Variants in CNTN5 observed in about 807,000 individuals in gnomAD.
CNTN5 encodes contactin-5.
A neutral mutation model predicts 129.1 loss-of-function variants in CNTN5; 77 were observed. That is an observed-to-expected ratio of 0.60 (90% CI 0.50 to 0.72). The LOEUF is 0.72. Among genes scored for constraint, CNTN5 ranks in the 30% least tolerant of loss-of-function variants. The pLI is 0.00. For synonymous variants in CNTN5, 509 were observed against 465.6 expected (o/e 1.09, Z -1.20); for missense variants, 1,478 against 1,328.8 (o/e 1.11, Z -1.75).
chr11:100,004,708 G>A (rs958258234), intron 9 of CNTN5, among the ~76,000 whole-genome samples: 3 of 152,174 alleles, frequency 2.0e-5, no homozygotes, highest in African/African-American at 7.2e-5. Flanking sequence ...TCATTGTCAT[G>A]TGTAATCCTG....
In CNTN5 at chr11:99,382,854, T is replaced by TTTG. The variant is rs1168085628; in HGVS notation, c.-71+57372_-71+57373insGTT. Among the ~76,000 whole-genome samples, 21 of 88,482 alleles carry TTTG rather than the reference T, an allele frequency of 2.4e-4. No individual in the cohort carries two copies. In the East Asian group the frequency reaches 5.7e-3, roughly 24 times the overall value. The allele number at this position is 88,482 out of a possible 152,430, so 58.0% of individuals were successfully genotyped here. ...TAGTGTCTCTAAATAACTTTTTTTT[T>TTTG]TTTTTTTTTTTTTTTTTTTTTAGAC... On this transcript the variant is annotated intron_variant, in intron 2 of 24. Coordinates refer to ENST00000524871, the MANE Select transcript of CNTN5 (RefSeq NM_014361.4).
intron 10 of CNTN5, among the ~76,000 whole-genome samples, chr11:100,068,352 G>C (rs1031625638): frequency 6.6e-6 from 1 of 152,152 alleles, no homozygotes; most frequent in Non-Finnish European, 1.5e-5. Context: ...ACTCTTCTTT[G>C]AGGCTGTGAT....
intron 1 of CNTN5, among the ~76,000 whole-genome samples, chr11:99,245,114 T>C (rs73532985): frequency 0.017 from 2,593 of 152,228 alleles, 86 homozygotes; most frequent in African/African-American, 0.06. Flanking sequence ...ACTGTCAAAC[T>C]GCACACACTC....
At chr11:100,068,449 G>C (rs922528141) in intron 10 of CNTN5, among the ~76,000 whole-genome samples, 2 of 152,136 alleles carry the variant, frequency 1.3e-5, no homozygotes, top group Admixed American at 6.6e-5. Context: ...TCTATGTAGA[G>C]TGAACAGTTT....
chr11:100,344,113 C>G (rs369248964), intron 23 of CNTN5, among the ~76,000 whole-genome samples: 27 of 151,880 alleles, frequency 1.8e-4, no homozygotes, highest in South Asian at 8.3e-4. Context: ...TCTTTGCAAA[C>G]TACTTCACTT....
intron 8 of CNTN5, among the ~76,000 whole-genome samples, chr11:99,986,385 A>G (rs560254683): frequency 1.3e-5 from 2 of 152,090 alleles, no homozygotes; most frequent in Non-Finnish European, 2.9e-5. Context: ...TTATATTCTT[A>G]TTTACCTTTC....
intron 1 of CNTN5, among the ~76,000 whole-genome samples, chr11:99,225,744 A>G (rs989813304): frequency 6.6e-6 from 1 of 152,166 alleles, no homozygotes; most frequent in African/African-American, 2.4e-5. Flanking sequence ...TTTCTTTTAT[A>G]TACATGGTTG....
At chr11:99,929,650 T>C (rs995956425) in intron 7 of CNTN5, among the ~76,000 whole-genome samples, 9 of 152,042 alleles carry the variant, frequency 5.9e-5, no homozygotes, top group African/African-American at 2.2e-4. Context: ...AACCATCAGA[T>C]CTTGTGAGAA....
At position 99,436,474 on chromosome 11, in the gene CNTN5, A is replaced by C. The variant is rs887577929; in HGVS notation, c.-71+110990A>C. Among the ~76,000 whole-genome samples, 3 of 152,022 alleles carry C rather than the reference A, an allele frequency of 2.0e-5. No individual in the cohort carries two copies. In the East Asian group the frequency reaches 5.8e-4, roughly 29 times the overall value. ...CACAGCATACGTTTGAATCTTACTC[A>C]CTTTATATTTGTTTAGGATGTTCTG... On this transcript the variant is annotated intron_variant, in intron 2 of 24. Transcript: ENST00000524871.
At chr11:99,190,673 A>G in intron 1 of CNTN5, among the ~76,000 whole-genome samples, 1 of 151,076 alleles carries the variant, frequency 6.6e-6, no homozygotes, top group Non-Finnish European at 1.5e-5. Context: ...TGTTTTCTTG[A>G]TTTCTTTTTC....
intron 3 of CNTN5, among the ~76,000 whole-genome samples, chr11:99,588,247 G>A (rs1949867148): frequency 6.6e-6 from 1 of 151,276 alleles, no homozygotes; most frequent in Non-Finnish European, 1.5e-5. Context: ...AGGAGGCTGA[G>A]GCAGGAGAAT....
chr11:99,613,519 G>A (rs1950659078), intron 3 of CNTN5, among the ~76,000 whole-genome samples: 2 of 152,056 alleles, frequency 1.3e-5, no homozygotes, highest in Admixed American at 6.6e-5. Context: ...TTATACAAAG[G>A]ACATAGCAAA....
intron 2 of CNTN5, among the ~76,000 whole-genome samples, chr11:99,484,627 T>G (rs1945736728): frequency 6.6e-6 from 1 of 152,084 alleles, no homozygotes; most frequent in South Asian, 2.1e-4. Flanking sequence ...TGTTCATTAT[T>G]AGACAACCAA....
chr11:100,208,626 A>C (rs1334931284), intron 15 of CNTN5, among the ~76,000 whole-genome samples: 2 of 152,186 alleles, frequency 1.3e-5, no homozygotes, highest in Non-Finnish European at 2.9e-5. Context: ...GTTGGGAAGA[A>C]CTGCAAAATT....
At position 100,204,978 on chromosome 11, in the gene CNTN5, G is replaced by A. The variant is rs528255662; in HGVS notation, c.1884+11315G>A. Among the ~76,000 whole-genome samples the A allele has an allele frequency of 9.2e-5, 14 of 152,038 alleles. No individual in the cohort carries two copies. In the South Asian group the frequency reaches 2.7e-3, roughly 29 times the overall value. Reference sequence around the variant, plus strand: ...CCTTGTAGGAATAATATATGAAAAAGATTTTTCTTTTTAGTTTTTTGAAAG... The same window carrying A: ...CCTTGTAGGAATAATATATGAAAAAAATTTTTCTTTTTAGTTTTTTGAAAG... On this transcript the variant is annotated intron_variant, in intron 15 of 24. Transcript: ENST00000524871.
chr11:99,252,859 T>A (rs917627883), intron 1 of CNTN5, among the ~76,000 whole-genome samples: 1 of 152,082 alleles, frequency 6.6e-6, no homozygotes, highest in Non-Finnish European at 1.5e-5. Flanking sequence ...TGAAGTTGAA[T>A]ATATTTTAAT....
intron 3 of CNTN5, among the ~76,000 whole-genome samples, chr11:99,810,289 C>T (rs760879458): frequency 6.6e-6 from 1 of 152,098 alleles, no homozygotes; most frequent in South Asian, 2.1e-4. Flanking sequence ...TACAGCATAC[C>T]TGAGTATCAG....
At chr11:99,639,559 G>GT (rs71050010) in intron 3 of CNTN5, among the ~76,000 whole-genome samples, 19,566 of 69,742 alleles carry the variant, frequency 0.28, 3,723 homozygotes, top group South Asian at 0.45. Context: ...TCACCTTTAT[G>GT]TTTTTTTTTT....
intron 6 of CNTN5, among the ~76,000 whole-genome samples, chr11:99,913,670 T>G (rs1286219375): frequency 6.6e-6 from 1 of 152,082 alleles, no homozygotes; most frequent in Non-Finnish European, 1.5e-5. Context: ...TCTATAATTT[T>G]CTTTTCTTTG....
Sources: allele counts gnomAD v4.1 joint callset (sites outside exome capture counted in the v4.1 genomes callset), GRCh38; gene constraint gnomAD v4.1.1; transcripts MANE v1.5; gene names NCBI Gene and HGNC (gene_info 2026-07-23, HGNC 2026-07-21).